Variants in DAB2IP observed in about 807,000 individuals in gnomAD.
DAB2IP encodes the protein disabled homolog 2-interacting protein.
DAB2IP carries 28 observed loss-of-function variants against 107.2 expected under a neutral mutation model. The observed-to-expected ratio is 0.26, with a 90% CI of 0.19 to 0.36. The LOEUF is 0.36. Ranked by LOEUF, DAB2IP falls within the 10% of genes least tolerant of loss-of-function variation. The pLI is 1.00. For missense variants in DAB2IP, 1,400 were observed against 1,644.7 expected (o/e 0.85, Z 2.57); for synonymous variants, 755 against 706.4 (o/e 1.07, Z -1.09).
chr9:121,761,034 C>T (rs954328235), intron 6 of DAB2IP, among the ~76,000 whole-genome samples: 61 of 152,198 alleles, frequency 4.0e-4, no homozygotes, highest in African/African-American at 1.5e-3. Context: ...CCAGGCAAGT[C>T]CTAGTTCAGG....
intron 8 of DAB2IP, 132 bp from the exon 9 acceptor site, chr9:121,766,362 C>A: frequency 1.3e-6 from 1 of 795,196 alleles, no homozygotes; most frequent in Non-Finnish European, 2.0e-6. Flanking sequence ...GTCCTCAGAG[C>A]TCAGACAGCG....
At position 121,669,916 on chromosome 9, in the gene DAB2IP, A is replaced by G. The variant is rs115186136; in HGVS notation, c.125-8762A>G. Among the ~76,000 whole-genome samples, 993 of 152,262 alleles carry G rather than the reference A, an allele frequency of 6.5e-3. 11 individuals are homozygous for G. Among genetic ancestry groups the G allele is most frequent in the African/African-American group, 0.023 (942 of 41,526 alleles). On this transcript the variant is annotated intron_variant, in intron 1 of 15. Coordinates refer to ENST00000408936, the Ensembl canonical transcript of DAB2IP. ...CCGATGTCAGGGGCTTTTATTCCAG[A>G]TCTTTCGTGTACATTGGTACCATGC... is the stretch of plus-strand genomic sequence containing the variant.
intron 3 of DAB2IP, 80 bp from the exon 4 acceptor site, chr9:121,756,933 C>G (rs547633056): frequency 1.4e-5 from 22 of 1,596,810 alleles, no homozygotes; most frequent in Non-Finnish European, 1.8e-5. Context: ...AGGGGCACGG[C>G]CAGGGCAGAT....
At chr9:121,567,286 C>G in intron 1 of DAB2IP, 1 of 1,610,658 alleles carries the variant, frequency 6.2e-7, no homozygotes, top group Non-Finnish European at 8.5e-7. Flanking sequence ...GCTCAACAGA[C>G]TTTTCTCTGC....
intron 2 of DAB2IP, among the ~76,000 whole-genome samples, chr9:121,691,394 G>A (rs923510119): frequency 2.0e-5 from 3 of 152,112 alleles, no homozygotes; most frequent in Admixed American, 6.5e-5. Flanking sequence ...TTCCCAGGCA[G>A]GAGGAACAGC....
intron 3 of DAB2IP, among the ~76,000 whole-genome samples, chr9:121,707,754 A>C (rs778816955): frequency 6.6e-6 from 1 of 152,232 alleles, no homozygotes; most frequent in Non-Finnish European, 1.5e-5. Flanking sequence ...ATTCATAATC[A>C]GAACGTTGTA....
chr9:121,776,931 T>C lies in DAB2IP; in HGVS notation c.3314+540T>C, dbSNP rs1588015092. Reference sequence around the variant, plus strand: ...GAGGGAGAGGGGGATGGTGCCAGTCTGATATCCTGAGTTTTAAGGGGCCTG... The same window carrying C: ...GAGGGAGAGGGGGATGGTGCCAGTCCGATATCCTGAGTTTTAAGGGGCCTG... On this transcript the variant is annotated intron_variant, in intron 14 of 15. Transcript: ENST00000408936. The surrounding 1 kb of genome is among the most constrained non-coding windows in gnomAD (Gnocchi z 5.4). Among the ~76,000 whole-genome samples the C allele has an allele frequency of 6.6e-6, 1 of 152,134 alleles. No individual in the cohort carries two copies.
chr9:121,723,950 G>C (rs1350603148), intron 3 of DAB2IP, among the ~76,000 whole-genome samples: 1 of 152,180 alleles, frequency 6.6e-6, no homozygotes, highest in Non-Finnish European at 1.5e-5. Flanking sequence ...GGGCTTCTCT[G>C]AGAGTCTGCC....
At chr9:121,578,932 A>G (rs558740935) in intron 1 of DAB2IP, among the ~76,000 whole-genome samples, 14 of 150,972 alleles carry the variant, frequency 9.3e-5, no homozygotes, top group African/African-American at 3.4e-4. Context: ...GTGCAACTCA[A>G]CACCACTCCC....
intron 1 of DAB2IP, among the ~76,000 whole-genome samples, chr9:121,671,144 C>T (rs553596265): frequency 1.3e-5 from 2 of 151,566 alleles, no homozygotes; most frequent in Middle Eastern, 3.4e-3. Flanking sequence ...AGTGAGACTC[C>T]GTCTAAAAAA....
chr9:121,581,514 G>T (rs983978480), intron 1 of DAB2IP, among the ~76,000 whole-genome samples: 1 of 152,206 alleles, frequency 6.6e-6, no homozygotes, highest in East Asian at 1.9e-4. Flanking sequence ...TAGAACTCTG[G>T]CTGGAAAACG....
chr9:121,587,915 A>G (rs770996207), intron 1 of DAB2IP, among the ~76,000 whole-genome samples: 45 of 152,324 alleles, frequency 3.0e-4, no homozygotes, highest in Non-Finnish European at 5.4e-4. Flanking sequence ...TTTATATACA[A>G]TTTACATTTA....
intron 1 of DAB2IP, among the ~76,000 whole-genome samples, chr9:121,668,381 G>C (rs558712919): frequency 6.6e-6 from 1 of 151,808 alleles, no homozygotes; most frequent in East Asian, 1.9e-4. Flanking sequence ...AGGATGACAC[G>C]CATGCATTAC....
At chr9:121,570,007 C>A (rs768125999) in intron 1 of DAB2IP, among the ~76,000 whole-genome samples, 24 of 151,820 alleles carry the variant, frequency 1.6e-4, no homozygotes, top group Non-Finnish European at 1.8e-4. Context: ...GTTGCCCAGG[C>A]TGGTCTAGAA....
At chr9:121,691,800 G>A (rs1589524348) in intron 2 of DAB2IP, among the ~76,000 whole-genome samples, 1 of 152,210 alleles carries the variant, frequency 6.6e-6, no homozygotes. Context: ...GATTCCTAGA[G>A]ATTGAATTAC....
At chr9:121,644,279 GAGAA>G (rs1345120302) in intron 1 of DAB2IP, among the ~76,000 whole-genome samples, 24 of 151,814 alleles carry the variant, frequency 1.6e-4, no homozygotes, top group Admixed American at 5.2e-4. Flanking sequence ...AGGAAGGAAA[GAGAA>G]AGAAGGAAAG....
exon 16 of DAB2IP, chr9:121,783,686 T>A (rs779781461): frequency 5.4e-5 from 63 of 1,164,390 alleles, no homozygotes; most frequent in Non-Finnish European, 7.3e-5. Context: ...CTGCCCCGTG[T>A]GTGTGGCCGG....
chr9:121,677,659 C>A (rs956473297), intron 1 of DAB2IP, among the ~76,000 whole-genome samples: 1 of 152,104 alleles, frequency 6.6e-6, no homozygotes, highest in South Asian at 2.1e-4. Context: ...TTTTGGGGAA[C>A]CTTTCCCCCC....
At chr9:121,728,607 G>C (rs984812417) in intron 3 of DAB2IP, among the ~76,000 whole-genome samples, 2 of 152,126 alleles carry the variant, frequency 1.3e-5, no homozygotes, top group Non-Finnish European at 2.9e-5. Context: ...CAACCCTCCA[G>C]AGCTCCTTGT....
Sources: allele counts gnomAD v4.1 joint callset (sites outside exome capture counted in the v4.1 genomes callset), GRCh38; gene constraint gnomAD v4.1.1; non-coding constraint Gnocchi (gnomAD v3.1); transcripts MANE v1.5; gene names NCBI Gene and HGNC (gene_info 2026-07-23, HGNC 2026-07-21).